SLC44A5: variants seen among roughly 807,000 people sequenced by gnomAD.
SLC44A5 encodes the protein choline transporter-like protein 5.
A neutral mutation model predicts 101.8 loss-of-function variants in SLC44A5; 57 were observed. That is an observed-to-expected ratio of 0.56 (90% CI 0.45 to 0.70). SLC44A5 has a LOEUF of 0.70. Ranked by LOEUF, SLC44A5 falls within the 30% of genes least tolerant of loss-of-function variation. The pLI, the probability that SLC44A5 is intolerant of heterozygous loss-of-function variation, is 0.00. For synonymous variants in SLC44A5, 281 were observed against 290.9 expected, an observed-to-expected ratio of 0.97 and a Z score of 0.35; for missense variants, 737 against 853.1, an observed-to-expected ratio of 0.86 and a Z score of 1.70.
At position 75,207,758 on chromosome 1, in the gene SLC44A5, C is replaced by T. The variant is rs540757170; in HGVS notation, c.2047+3710G>A. Among the ~76,000 whole-genome samples the T allele has an allele frequency of 3.2e-4, 48 of 152,268 alleles. 1 individual carries two copies. Among genetic ancestry groups the T allele is most frequent in the African/African-American group, 1.1e-3 (47 of 41,532 alleles). On this transcript the variant is annotated intron_variant, in intron 23 of 23. Transcript: ENST00000370859. ...ATTTCACTTTCTGTGGTTTTAGTTA[C>T]CCAAGGTCCAGAAATATGAAATGCA... is the stretch of plus-strand genomic sequence containing the variant.
At chr1:75,487,320 G>A (rs566522444) in intron 2 of SLC44A5, among the ~76,000 whole-genome samples, 10 of 152,274 alleles carry the variant, frequency 6.6e-5, no homozygotes, top group African/African-American at 2.2e-4. Context: ...ACTCAGAAGT[G>A]ATGATACTTG....
intron 12 of SLC44A5, among the ~76,000 whole-genome samples, chr1:75,230,258 T>C (rs541011295): frequency 4.1e-4 from 62 of 152,222 alleles, no homozygotes; most frequent in African/African-American, 1.3e-3. Context: ...ATTCACTTTT[T>C]TTTTTTTGAG....
intron 2 of SLC44A5, among the ~76,000 whole-genome samples, chr1:75,409,932 A>ATACC (rs1663165998): frequency 6.6e-6 from 1 of 151,928 alleles, no homozygotes; most frequent in Non-Finnish European, 1.5e-5. Flanking sequence ...ACATACATAC[A>ATACC]TATATACTTG....
intron 4 of SLC44A5, among the ~76,000 whole-genome samples, chr1:75,320,951 T>C (rs1656095228): frequency 6.6e-6 from 1 of 152,124 alleles, no homozygotes; most frequent in Admixed American, 6.6e-5. Flanking sequence ...CAAGTGTGCT[T>C]ATTTATCATT....
chr1:75,544,673 G>A lies in SLC44A5; in HGVS notation c.-69-3157C>T, dbSNP rs567644334. Among the ~76,000 whole-genome samples the A allele has an allele frequency of 2.8e-4, 43 of 152,102 alleles. 1 individual carries two copies. The highest frequency in any genetic ancestry group is 6.7e-4 in the African/African-American group (28 of 41,484). ...TCAAATCCAAGAATTTAACATTTAC[G>A]CAATACTGTTATCCAATATACAGCC... On this transcript the variant is annotated intron_variant, in intron 1 of 23. Transcript: ENST00000370859.
chr1:75,240,961 A>G (rs1440655805), intron 9 of SLC44A5, among the ~76,000 whole-genome samples: 1 of 152,038 alleles, frequency 6.6e-6, no homozygotes, highest in African/African-American at 2.4e-5. Context: ...TTATCATTAT[A>G]AGGATAGTAA....
At chr1:75,471,024 C>T (rs568626942) in intron 2 of SLC44A5, among the ~76,000 whole-genome samples, 2 of 152,118 alleles carry the variant, frequency 1.3e-5, no homozygotes, top group Non-Finnish European at 2.9e-5. Flanking sequence ...TAACAAAACA[C>T]AACTATCTTC....
At chr1:75,322,452 G>A (rs986434360) in intron 4 of SLC44A5, among the ~76,000 whole-genome samples, 9 of 151,906 alleles carry the variant, frequency 5.9e-5, no homozygotes, top group East Asian at 1.9e-4. Context: ...AAATTAGCAC[G>A]GTGATCATTA....
intron 7 of SLC44A5, among the ~76,000 whole-genome samples, chr1:75,248,714 G>A (rs1475476396): frequency 6.6e-6 from 1 of 152,086 alleles, no homozygotes. Flanking sequence ...CGGCCCACTT[G>A]AAGTTAGGTC....
At chr1:75,449,757 C>G (rs1557796258) in intron 2 of SLC44A5, among the ~76,000 whole-genome samples, 1 of 152,098 alleles carries the variant, frequency 6.6e-6, no homozygotes, top group African/African-American at 2.4e-5. Flanking sequence ...AATCCTAGCA[C>G]TTTGGGAGGC....
the SLC44A5 span, among the ~76,000 whole-genome samples, chr1:75,720,937 C>T: frequency 2.6e-5 from 4 of 152,046 alleles, no homozygotes; most frequent in Admixed American, 6.6e-5. Context: ...TTAAGTTTAT[C>T]TAAAGACCTG....
chr1:75,400,114 C>T (rs745755753), intron 2 of SLC44A5, among the ~76,000 whole-genome samples: 7 of 152,094 alleles, frequency 4.6e-5, no homozygotes, highest in Admixed American at 2.6e-4. Context: ...TTCTCACTTA[C>T]AAGTGGGAGC....
intron 1 of SLC44A5, among the ~76,000 whole-genome samples, chr1:75,595,527 G>A (rs775648346): frequency 2.0e-5 from 3 of 151,976 alleles, no homozygotes; most frequent in Admixed American, 6.6e-5. Flanking sequence ...ATAGTTAATT[G>A]ATTATCCAGA....
At chr1:75,498,087 T>A (rs1458621898) in intron 2 of SLC44A5, among the ~76,000 whole-genome samples, 1 of 152,180 alleles carries the variant, frequency 6.6e-6, no homozygotes, top group Non-Finnish European at 1.5e-5. Flanking sequence ...TAGAAAAAGA[T>A]CATTATGTAT....
At chr1:75,454,518 A>G (rs1034897855) in intron 2 of SLC44A5, among the ~76,000 whole-genome samples, 16 of 152,222 alleles carry the variant, frequency 1.1e-4, no homozygotes, top group African/African-American at 3.6e-4. Flanking sequence ...TACCACTCCT[A>G]GTCAAAATAG....
At chr1:75,261,733 T>C (rs1265589790) in intron 6 of SLC44A5, among the ~76,000 whole-genome samples, 1 of 152,128 alleles carries the variant, frequency 6.6e-6, no homozygotes, top group Non-Finnish European at 1.5e-5. Context: ...TTCAGGCCAA[T>C]ATCCCTGATG....
intron 3 of SLC44A5, among the ~76,000 whole-genome samples, chr1:75,368,449 G>A (rs1263399070): frequency 6.6e-6 from 1 of 152,178 alleles, no homozygotes; most frequent in Non-Finnish European, 1.5e-5. Context: ...AAATCTGCAG[G>A]TGCAGAACCC....
At chr1:75,220,359 C>T (rs1381649036) in intron 14 of SLC44A5, among the ~76,000 whole-genome samples, 1 of 151,994 alleles carries the variant, frequency 6.6e-6, no homozygotes, top group Non-Finnish European at 1.5e-5. Context: ...ATTCTATTTT[C>T]TTATCAAGGT....
chr1:75,492,756 G>C (rs1368358051), intron 2 of SLC44A5, among the ~76,000 whole-genome samples: 2 of 152,144 alleles, frequency 1.3e-5, no homozygotes, highest in African/African-American at 2.4e-5. Context: ...AAGGTATTAT[G>C]ATTATTGCTT....
Sources: allele counts gnomAD v4.1 joint callset (sites outside exome capture counted in the v4.1 genomes callset), GRCh38; gene constraint gnomAD v4.1.1; transcripts MANE v1.5; gene names NCBI Gene and HGNC (gene_info 2026-07-23, HGNC 2026-07-21).